The following ZFHX3 variants were observed in gnomAD, a reference collection of about 807,000 sequenced individuals.
The protein encoded by ZFHX3 is zinc finger homeobox protein 3.
A neutral mutation model predicts 279.1 loss-of-function variants in ZFHX3; 42 were observed. That is an observed-to-expected ratio of 0.15 (90% CI 0.12 to 0.19). The LOEUF is 0.19. Ranked by LOEUF, ZFHX3 falls within the 10% of genes least tolerant of loss-of-function variation. The probability of loss-of-function intolerance (pLI) is 1.00; values close to 1 mark genes in which losing one functional copy is unlikely to be tolerated. For synonymous variants in ZFHX3, 2,293 were observed against 1,957.8 expected (o/e 1.17, Z -4.52); for missense variants, 4,981 against 4,754.0 (o/e 1.05, Z -1.40).
intron 3 of ZFHX3, among the ~76,000 whole-genome samples, chr16:72,916,223 T>C (rs2039439316): frequency 6.6e-6 from 1 of 152,222 alleles, no homozygotes; most frequent in African/African-American, 2.4e-5. Context: ...ACTACTGCTG[T>C]TATTACTAAC....
At chr16:72,896,313 G>A (rs796803788) in intron 3 of ZFHX3, among the ~76,000 whole-genome samples, 2 of 152,050 alleles carry the variant, frequency 1.3e-5, no homozygotes, top group African/African-American at 2.4e-5. Context: ...TCTCAGTTTC[G>A]CTGGAAGGGG....
rs2037308632 is a variant in ZFHX3, at chr16:72,840,122, GC to G, written c.3449-10264del. ...GTCAGAGAGAGATCTTATGCTTAAT[GC>G]AAAAAAAAAAAATCCGTTTCCTTAT... On this transcript the variant is annotated intron_variant, in intron 4 of 9. Transcript: ENST00000268489. Among the ~76,000 whole-genome samples the G allele has an allele frequency of 6.3e-5, 9 of 142,170 alleles. No individual in the cohort carries two copies. In the South Asian group the frequency reaches 2.0e-3, roughly 32 times the overall value. The allele number at this position is 142,170 out of a possible 152,430, so 93.3% of individuals were successfully genotyped here. A position where few individuals can be genotyped will look rare whatever the true frequency, so the allele number is the denominator to read the frequency against.
intron 3 of ZFHX3, among the ~76,000 whole-genome samples, chr16:73,398,844 T>A (rs2017185963): frequency 8.5e-6 from 1 of 117,250 alleles, no homozygotes; most frequent in African/African-American, 3.1e-5. Flanking sequence ...AGTACACTTA[T>A]AAGTGGCAGT....
chr16:73,322,964 A>G (rs1259576846), intron 3 of ZFHX3, among the ~76,000 whole-genome samples: 1 of 152,234 alleles, frequency 6.6e-6, no homozygotes, highest in Non-Finnish European at 1.5e-5. Flanking sequence ...GTTCAAAGAC[A>G]CATTGTTTAC....
chr16:72,912,639 G>C (rs956223782), intron 3 of ZFHX3, among the ~76,000 whole-genome samples: 3 of 152,156 alleles, frequency 2.0e-5, no homozygotes, highest in Non-Finnish European at 4.4e-5. Context: ...CTGTCCTTGG[G>C]AGGGAGGATA....
At chr16:73,803,676 C>G (rs1011316567) in intron 1 of ZFHX3, among the ~76,000 whole-genome samples, 1 of 152,110 alleles carries the variant, frequency 6.6e-6, no homozygotes, top group Non-Finnish European at 1.5e-5. Context: ...TTTTGTTAGA[C>G]TTATTCTGCA....
rs117841626 is a variant in ZFHX3, at chr16:73,307,989, G to A, written c.-1194+10251C>T. Among the ~76,000 whole-genome samples, 221 of 151,874 alleles carry A rather than the reference G, an allele frequency of 1.5e-3. 1 individual carries two copies. The highest frequency in any genetic ancestry group is 2.0e-3 in the Non-Finnish European group (133 of 67,988). On this transcript the variant is annotated intron_variant, in intron 4 of 17. Transcript: ENST00000641206. ...CTCACCCCCAAATTTGCCAGCTCCC[G>A]TGATTTCTGCAACCTATGCTAAATG...
rs781747615 is a variant in ZFHX3 at position 72,787,766 on chromosome 16, C to T, written c.10510G>A (p.Val3504Ile). Residue 3504 changes from valine (V) to isoleucine (I), a missense_variant, in exon 10 of 10, where the codon GTC (valine) becomes ATC (isoleucine). This residue lies in a region of ZFHX3 where 1,034 missense variants were observed against 786.0 expected (regional missense o/e 1.32). Transcript: ENST00000268489. ...CCACCGCCGCCGCCGCCGGTGGGGA[C>T]GTGAAGCACCATCTCTTGCAGGTTC... is the stretch of plus-strand genomic sequence containing the variant. ...VVNLQEMVLH[V>I]PTGGGGGGSG... is the part of the protein sequence containing the mutation. 32 of 1,455,678 alleles carry T rather than the reference C, an allele frequency of 2.2e-5. No homozygotes were observed. The highest frequency in any genetic ancestry group is 2.9e-5 in the African/African-American group (2 of 69,540). 90.2% of individuals were successfully genotyped at this position (1,455,678 alleles called of 1,614,324 possible).
At chr16:73,163,856 T>C (rs1967299383) in intron 5 of ZFHX3, among the ~76,000 whole-genome samples, 1 of 152,234 alleles carries the variant, frequency 6.6e-6, no homozygotes, top group African/African-American at 2.4e-5. Flanking sequence ...AATTTTAAGG[T>C]AGATTATTTA....
intron 9 of ZFHX3, chr16:72,791,359 A>G (rs2035692701): frequency 6.6e-6 from 1 of 152,222 alleles, no homozygotes; most frequent in Admixed American, 6.5e-5. Flanking sequence ...TAACTGGGGC[A>G]TGTCTGCTGC....
intron 1 of ZFHX3, among the ~76,000 whole-genome samples, chr16:73,860,984 ATTT>A (rs34828290): frequency 1.4e-5 from 2 of 140,640 alleles, no homozygotes; most frequent in Non-Finnish European, 1.6e-5. Flanking sequence ...TTTTTTGCAG[ATTT>A]TTTTTTTTTT....
intron 3 of ZFHX3, among the ~76,000 whole-genome samples, chr16:72,924,503 T>C (rs1477999792): frequency 6.6e-6 from 1 of 152,134 alleles, no homozygotes; most frequent in East Asian, 1.9e-4. Flanking sequence ...TTGACATAAG[T>C]TGTTTCAAGC....
At chr16:73,728,062 AG>A (rs1292648030) in intron 1 of ZFHX3, among the ~76,000 whole-genome samples, 1 of 116,770 alleles carries the variant, frequency 8.6e-6, no homozygotes, top group Non-Finnish European at 1.6e-5. Flanking sequence ...TGTAACTCCC[AG>A]CATCTAAAAA....
intron 1 of ZFHX3, among the ~76,000 whole-genome samples, chr16:73,882,986 G>GT (rs2030220755): frequency 6.6e-6 from 1 of 150,498 alleles, no homozygotes; most frequent in South Asian, 2.1e-4. Context: ...GGGGATTTGG[G>GT]TTTTTTTGAA....
intron 4 of ZFHX3, among the ~76,000 whole-genome samples, chr16:73,305,312 G>C (rs893334668): frequency 6.6e-6 from 1 of 151,976 alleles, no homozygotes; most frequent in East Asian, 1.9e-4. Context: ...CCCAAGTTTG[G>C]GTCAATACAT....
In ZFHX3 at chr16:73,089,390, G is replaced by A. The variant is rs111981959; in HGVS notation, c.-533+3845C>T. ...AGTGCTGGGATTACAGGCGTGAGCC[G>A]CTGCACCCGGTCTAATGTTATACCT... On this transcript the variant is annotated intron_variant, in intron 8 of 17. Coordinates refer to the ZFHX3 transcript ENST00000641206. Among the ~76,000 whole-genome samples, 185 of 152,168 alleles carry A rather than the reference G, an allele frequency of 1.2e-3. 2 individuals are homozygous for A. Among genetic ancestry groups the A allele is most frequent in the African/African-American group, 4.2e-3 (176 of 41,544 alleles).
intron 4 of ZFHX3, among the ~76,000 whole-genome samples, chr16:73,270,578 G>A (rs2014116279): frequency 6.6e-6 from 1 of 152,200 alleles, no homozygotes; most frequent in African/African-American, 2.4e-5. Context: ...CAGTGGACAT[G>A]ACTAGGGTTT....
rs568857962 is a variant in ZFHX3, at chr16:73,735,998, C to T, written c.-1607-55758G>A. ...ATGTTATTGGGGATCTCCTAGCTCC[C>T]CCAGGGTACTAAGCACTGGACTCAC... On this transcript the variant is annotated intron_variant, in intron 1 of 17. Coordinates refer to the ZFHX3 transcript ENST00000641206. Among the ~76,000 whole-genome samples, 32 of 152,004 alleles carry T rather than the reference C, an allele frequency of 2.1e-4. No homozygotes were observed. In the Middle Eastern group the frequency reaches 0.014, roughly 65 times the overall value.
intron 2 of ZFHX3, among the ~76,000 whole-genome samples, chr16:73,662,996 C>T (rs142369643): frequency 2.6e-4 from 39 of 152,048 alleles, no homozygotes; most frequent in Non-Finnish European, 4.7e-4. Flanking sequence ...CTGCTGGGAT[C>T]GTGATTTGCT....
Sources: allele counts gnomAD v4.1 joint callset (sites outside exome capture counted in the v4.1 genomes callset), GRCh38; gene constraint gnomAD v4.1.1; regional missense constraint gnomAD v4.1.1; transcripts MANE v1.5; gene names NCBI Gene and HGNC (gene_info 2026-07-23, HGNC 2026-07-21).